Variants in DHRSX observed in about 807,000 individuals in gnomAD.
DHRSX encodes the protein dehydrogenase/reductase X-linked.
In DHRSX, 31 loss-of-function variants were observed where a neutral mutation model predicts 34.0. The ratio of observed to expected loss-of-function variants is 0.91; its 90% CI spans 0.69 to 1.23. DHRSX has a LOEUF of 1.23. Ranked by LOEUF, DHRSX falls within the 50% of genes most tolerant of loss-of-function variation. The pLI, the probability that DHRSX is intolerant of heterozygous loss-of-function variation, is 0.00. For missense variants in DHRSX, 414 were observed against 428.1 expected (o/e 0.97, Z 0.29); for synonymous variants, 201 against 183.8 (o/e 1.09, Z -0.76).
intron 5 of DHRSX, among the ~76,000 whole-genome samples, chrX:2,266,286 G>C (rs1043912912): frequency 2.1e-4 from 30 of 140,508 alleles, no homozygotes; most frequent in Non-Finnish European, 3.6e-4. Flanking sequence ...GTGTACAGCA[G>C]ACACAGGGAG....
intron 5 of DHRSX, among the ~76,000 whole-genome samples, chrX:2,259,387 GATATATAGAT>G (rs1569480960): frequency 0.12 from 11,251 of 90,716 alleles, 1,633 homozygotes; most frequent in African/African-American, 0.35. Flanking sequence ...TATATATATA[GATATATAGAT>G]ATATATATAG....
chrX:2,445,547 C>T (rs1366394482), intron 1 of DHRSX, among the ~76,000 whole-genome samples: 1 of 152,156 alleles, frequency 6.6e-6, no homozygotes, highest in Non-Finnish European at 1.5e-5. Flanking sequence ...CCCCAAGGGA[C>T]CGCTGCCGTG....
intron 1 of DHRSX, among the ~76,000 whole-genome samples, chrX:2,485,591 G>A (rs2044872706): frequency 7.4e-6 from 1 of 134,896 alleles, no homozygotes; most frequent in Admixed American, 7.5e-5. Context: ...AAGGAGGAAG[G>A]GAGGGAGACA....
chrX:2,240,403 T>A (rs2016113968), intron 6 of DHRSX, among the ~76,000 whole-genome samples: 1 of 151,804 alleles, frequency 6.6e-6, no homozygotes, highest in Non-Finnish European at 1.5e-5. Flanking sequence ...AAGTAATTAA[T>A]CCCCTCAAAA....
chrX:2,249,136 C>A (rs1345754343), intron 5 of DHRSX, among the ~76,000 whole-genome samples: 1 of 150,590 alleles, frequency 6.6e-6, no homozygotes, highest in Non-Finnish European at 1.5e-5. Context: ...TACATTTGCA[C>A]ATCTTTTGGG....
At chrX:2,318,237 A>G (rs2042264112) in intron 3 of DHRSX, among the ~76,000 whole-genome samples, 1 of 149,730 alleles carries the variant, frequency 6.7e-6, no homozygotes, top group African/African-American at 2.5e-5. Flanking sequence ...ATGGTGGTGC[A>G]TGCCTGTAGT....
At chrX:2,358,588 T>C (rs995835304) in intron 3 of DHRSX, among the ~76,000 whole-genome samples, 1 of 152,066 alleles carries the variant, frequency 6.6e-6, no homozygotes, top group Admixed American at 6.6e-5. Flanking sequence ...GCTTGATATG[T>C]GGGAGGCATA....
chrX:2,240,354 G>A (rs1041079782), intron 6 of DHRSX, among the ~76,000 whole-genome samples: 15 of 151,652 alleles, frequency 9.9e-5, no homozygotes, highest in African/African-American at 1.9e-4. Context: ...TGAGAGATTC[G>A]AAGAACAACT....
intron 2 of DHRSX, among the ~76,000 whole-genome samples, chrX:2,424,586 T>C (rs1045832913): frequency 2.6e-5 from 4 of 152,338 alleles, no homozygotes; most frequent in Admixed American, 6.5e-5. Context: ...CTCCTTGAGA[T>C]ACTTTGTTAT....
chrX:2,426,562 CCT>C (rs1200359546), intron 1 of DHRSX, among the ~76,000 whole-genome samples: 14 of 144,442 alleles, frequency 9.7e-5, no homozygotes, highest in African/African-American at 2.8e-4. Flanking sequence ...TCCTTCCTTC[CCT>C]CTTTCTTTTC....
chrX:2,394,428 G>C (rs970249460), intron 3 of DHRSX, among the ~76,000 whole-genome samples: 1 of 152,216 alleles, frequency 6.6e-6, no homozygotes, highest in Non-Finnish European at 1.5e-5. Context: ...TATGATGTCA[G>C]AGCTATCGGT....
chrX:2,275,501 C>G (rs1398198228), intron 4 of DHRSX, among the ~76,000 whole-genome samples: 1 of 104,244 alleles, frequency 9.6e-6, no homozygotes, highest in African/African-American at 4.0e-5. Flanking sequence ...AACAGCGAGA[C>G]TATGTTTCAA....
chrX:2,444,769 AAGCTGC>A (rs2124669873), intron 1 of DHRSX, among the ~76,000 whole-genome samples: 1 of 152,254 alleles, frequency 6.6e-6, no homozygotes, highest in African/African-American at 2.4e-5. Context: ...CAGGAGGTCA[AAGCTGC>A]AGTGAGCCAT....
At chrX:2,470,161 G>A (rs1014262396) in intron 1 of DHRSX, among the ~76,000 whole-genome samples, 1 of 150,336 alleles carries the variant, frequency 6.7e-6, no homozygotes, top group African/African-American at 2.5e-5. Flanking sequence ...GACAAATACT[G>A]TATCATCTCG....
chrX:2,248,369 C>G (rs2016347262), intron 5 of DHRSX, among the ~76,000 whole-genome samples: 1 of 149,148 alleles, frequency 6.7e-6, no homozygotes, highest in South Asian at 2.1e-4. Flanking sequence ...GGAGGCGGAG[C>G]TTGCAGTGAG....
intron 1 of DHRSX, among the ~76,000 whole-genome samples, chrX:2,432,889 G>A (rs2043945066): frequency 6.6e-6 from 1 of 152,190 alleles, no homozygotes; most frequent in Non-Finnish European, 1.5e-5. Flanking sequence ...TTTGAGGGCT[G>A]AGGTGGGGGT....
At chrX:2,335,218 C>T (rs1357245441) in intron 3 of DHRSX, among the ~76,000 whole-genome samples, 1 of 151,336 alleles carries the variant, frequency 6.6e-6, no homozygotes, top group Admixed American at 6.6e-5. Flanking sequence ...TATTTTGCCA[C>T]AGTTGAGGAC....
rs1266464001 is a variant in DHRSX at position 2,221,110 on chromosome X, G to A, written c.924C>T (p.Asn308=). The stretch of plus-strand genomic sequence containing the variant: ...ACCACAGCTGCTGCTGCAGTTTCTG[G>A]TTGTAGGTGACGTGGAGGGACTTGG... The part of the protein sequence containing the change: ...KETKSLHVTY[N]QKLQQQLWSK... Residue 308 remains asparagine, a synonymous_variant, in exon 7 of 7, where the codon AAC becomes AAT. Coordinates refer to ENST00000334651, the MANE Select transcript of DHRSX (RefSeq NM_145177.3). The A allele has an allele frequency of 1.1e-5, 18 of 1,613,960 alleles. No individual in the cohort carries two copies. Among genetic ancestry groups the A allele is most frequent in the Non-Finnish European group, 1.5e-5 (18 of 1,179,862 alleles).
intron 3 of DHRSX, among the ~76,000 whole-genome samples, chrX:2,330,120 G>GAC (rs2042443798): frequency 2.2e-4 from 20 of 89,192 alleles, no homozygotes; most frequent in African/African-American, 7.8e-4. Context: ...GAGAGAGAGA[G>GAC]AGACAGAGAG....
Sources: gnomAD v4.1 joint callset for allele counts (sites outside exome capture counted in the v4.1 genomes callset) on GRCh38, gnomAD v4.1.1 for gene constraint, MANE v1.5 for transcripts, NCBI Gene and HGNC (gene_info 2026-07-23, HGNC 2026-07-21) for gene names.